IMMP2L: variants seen among roughly 807,000 people sequenced by gnomAD.
IMMP2L encodes the protein inner mitochondrial membrane peptidase subunit 2, also known as mitochondrial inner membrane protease subunit 2.
IMMP2L carries 18 observed loss-of-function variants against 19.3 expected under a neutral mutation model. The ratio of observed to expected loss-of-function variants is 0.93; its 90% CI spans 0.64 to 1.38. IMMP2L has a LOEUF of 1.38. IMMP2L is among the 40% of genes most tolerant of loss of function. The pLI, the probability that IMMP2L is intolerant of heterozygous loss-of-function variation, is 0.00. For synonymous variants in IMMP2L, 76 were observed against 73.0 expected (o/e 1.04, Z -0.21); for missense variants, 233 against 218.2 (o/e 1.07, Z -0.43).
chr7:111,317,912 A>T (rs1457239801), intron 3 of IMMP2L, among the ~76,000 whole-genome samples: 1 of 152,174 alleles, frequency 6.6e-6, no homozygotes, highest in Admixed American at 6.5e-5. Context: ...TATAGATTCT[A>T]CATGGTCTCA....
chr7:111,124,673 G>A, intron 3 of IMMP2L: 1 of 1,613,804 alleles, frequency 6.2e-7, no homozygotes, highest in Admixed American at 1.7e-5. Context: ...GCCTGTCTTG[G>A]AGGCCTTCTG....
At chr7:111,412,865 A>C (rs1055289183) in intron 3 of IMMP2L, among the ~76,000 whole-genome samples, 4 of 151,796 alleles carry the variant, frequency 2.6e-5, no homozygotes, top group Non-Finnish European at 5.9e-5. Flanking sequence ...AACAAGGTAG[A>C]AAAAGAAAAG....
At chr7:111,332,296 T>C (rs1425435236) in intron 3 of IMMP2L, among the ~76,000 whole-genome samples, 1 of 151,876 alleles carries the variant, frequency 6.6e-6, no homozygotes, top group Non-Finnish European at 1.5e-5. Context: ...AAATATAATA[T>C]AGCGTGCATA....
intron 3 of IMMP2L, among the ~76,000 whole-genome samples, chr7:111,476,012 A>G (rs1841689032): frequency 6.6e-6 from 1 of 152,110 alleles, no homozygotes; most frequent in Non-Finnish European, 1.5e-5. Context: ...ATCCTGAGGG[A>G]TTAATTCTTA....
chr7:111,273,661 G>C (rs1037168428), intron 3 of IMMP2L, among the ~76,000 whole-genome samples: 1 of 152,044 alleles, frequency 6.6e-6, no homozygotes, highest in Non-Finnish European at 1.5e-5. Context: ...AACACTTCCC[G>C]AGGGAGCAAG....
intron 3 of IMMP2L, among the ~76,000 whole-genome samples, chr7:111,242,024 T>C (rs1398115134): frequency 6.6e-6 from 1 of 152,034 alleles, no homozygotes; most frequent in African/African-American, 2.4e-5. Context: ...GTGAAATAGG[T>C]TTTCTTTCTA....
chr7:110,825,794 A>G (rs1360119672), intron 5 of IMMP2L, among the ~76,000 whole-genome samples: 2 of 152,212 alleles, frequency 1.3e-5, no homozygotes, highest in African/African-American at 4.8e-5. Context: ...CTTCATGTCT[A>G]AAACACCAAA....
chr7:110,677,852 C>T (rs766427176), intron 5 of IMMP2L, among the ~76,000 whole-genome samples: 14 of 152,200 alleles, frequency 9.2e-5, no homozygotes, highest in Admixed American at 3.9e-4. Context: ...AGCTAAAAGG[C>T]ACAGAGTCAG....
intron 2 of IMMP2L, among the ~76,000 whole-genome samples, chr7:111,506,128 C>T (rs886544437): frequency 1.3e-5 from 2 of 151,358 alleles, no homozygotes; most frequent in African/African-American, 4.8e-5. Flanking sequence ...AATTAGCTGT[C>T]CAGGACTTCG....
intron 4 of IMMP2L, among the ~76,000 whole-genome samples, chr7:110,949,426 G>C (rs141980896): frequency 6.6e-6 from 1 of 151,984 alleles, no homozygotes; most frequent in Non-Finnish European, 1.5e-5. Flanking sequence ...CCTCTCTTCT[G>C]TTTAAACTGT....
At chr7:111,162,396 G>A (rs990543137) in intron 3 of IMMP2L, among the ~76,000 whole-genome samples, 8 of 151,952 alleles carry the variant, frequency 5.3e-5, no homozygotes, top group African/African-American at 1.9e-4. Flanking sequence ...AGTCATATGG[G>A]ATAAAGAAGT....
intron 5 of IMMP2L, among the ~76,000 whole-genome samples, chr7:110,782,205 C>T (rs1386313715): frequency 6.6e-6 from 1 of 151,830 alleles, no homozygotes; most frequent in Non-Finnish European, 1.5e-5. Context: ...ATCCACTAGG[C>T]TTATATCTTA....
intron 4 of IMMP2L, among the ~76,000 whole-genome samples, chr7:110,914,356 G>C (rs1302088641): frequency 1.3e-5 from 2 of 152,164 alleles, no homozygotes; most frequent in Non-Finnish European, 2.9e-5. Flanking sequence ...AATTGAGTGA[G>C]CTCAACCAAT....
chr7:111,031,788 G>A (rs1339324434), intron 3 of IMMP2L, among the ~76,000 whole-genome samples: 2 of 152,044 alleles, frequency 1.3e-5, no homozygotes, highest in African/African-American at 4.8e-5. Context: ...CAGAAACCTG[G>A]CAAACATTAT....
At chr7:111,113,494 A>G (rs1799486496) in intron 3 of IMMP2L, among the ~76,000 whole-genome samples, 1 of 152,140 alleles carries the variant, frequency 6.6e-6, no homozygotes, top group Non-Finnish European at 1.5e-5. Context: ...CCTGTTCATA[A>G]AATCAACTCA....
chr7:111,526,480 A>C (rs142668502), intron 1 of IMMP2L, among the ~76,000 whole-genome samples: 1 of 152,272 alleles, frequency 6.6e-6, no homozygotes, highest in African/African-American at 2.4e-5. Flanking sequence ...GGTTTCTAAA[A>C]CAGAAAGATG....
intron 3 of IMMP2L, among the ~76,000 whole-genome samples, chr7:111,058,347 A>T (rs1402509205): frequency 6.6e-6 from 1 of 152,316 alleles, no homozygotes; most frequent in East Asian, 1.9e-4. Flanking sequence ...TTTTACACTC[A>T]TTTCTAAAAT....
intron 4 of IMMP2L, among the ~76,000 whole-genome samples, chr7:110,939,688 G>C (rs919375167): frequency 3.9e-5 from 6 of 152,274 alleles, no homozygotes; most frequent in Non-Finnish European, 7.3e-5. Flanking sequence ...TAATTAAGCA[G>C]TCATCTAGGC....
In IMMP2L at chr7:110,727,966, C is replaced by A. The variant is rs1409606817; in HGVS notation, c.409-64245G>T. On this transcript the variant is annotated intron_variant, in intron 5 of 5. Coordinates refer to ENST00000405709, the MANE Select transcript of IMMP2L (RefSeq NM_032549.4). This position sits in a 1 kb window ranked among gnomAD's most constrained non-coding sequence, Gnocchi z 4.3. The stretch of plus-strand genomic sequence containing the variant: ...ACCCACACACATGTAATTCTGCTCA[C>A]TTCTGTTAACATTGTAAAAGGCAGC... Among the ~76,000 whole-genome samples, 1 of 152,210 alleles carries A rather than the reference C, an allele frequency of 6.6e-6. No homozygotes were observed. The highest frequency in any genetic ancestry group is 1.5e-5 in the Non-Finnish European group (1 of 68,040).
Sources: allele counts gnomAD v4.1 joint callset (sites outside exome capture counted in the v4.1 genomes callset), GRCh38; gene constraint gnomAD v4.1.1; non-coding constraint Gnocchi (gnomAD v3.1); transcripts MANE v1.5; gene names NCBI Gene and HGNC (gene_info 2026-07-23, HGNC 2026-07-21).